The following BCKDHB variants were observed in gnomAD, a reference collection of about 807,000 sequenced individuals.
BCKDHB encodes the protein 2-oxoisovalerate dehydrogenase subunit beta, mitochondrial.
In BCKDHB, 41 loss-of-function variants were observed where a neutral mutation model predicts 48.5. The observed-to-expected ratio is 0.85, with a 90% CI of 0.66 to 1.10. BCKDHB has a LOEUF of 1.10. BCKDHB is among the 50% of genes least tolerant of loss of function. BCKDHB has a pLI of 0.00. For synonymous variants in BCKDHB, 201 were observed against 174.8 expected (o/e 1.15, Z -1.18); for missense variants, 496 against 494.2 (o/e 1.00, Z -0.03).
intron 5 of BCKDHB, chr6:80,170,031 T>G: frequency 1.9e-5 from 14 of 746,816 alleles, no homozygotes; most frequent in Non-Finnish European, 2.1e-5. Flanking sequence ...ATTTTCTTTC[T>G]TCCTCTTCCT....
the BCKDHB span, among the ~76,000 whole-genome samples, chr6:80,357,391 C>T: frequency 2.0e-5 from 3 of 152,088 alleles, no homozygotes; most frequent in East Asian, 1.9e-4. Context: ...GTCTCTCCTC[C>T]GGCCTTCTGA....
the BCKDHB span, among the ~76,000 whole-genome samples, chr6:80,446,053 G>T: frequency 6.6e-6 from 1 of 152,176 alleles, no homozygotes; most frequent in Admixed American, 6.5e-5. Flanking sequence ...AATGAGATTT[G>T]TTTGGAAAAA....
At chr6:80,213,370 CA>C (rs1199967052) in intron 8 of BCKDHB, among the ~76,000 whole-genome samples, 2 of 152,094 alleles carry the variant, frequency 1.3e-5, no homozygotes, top group Non-Finnish European at 2.9e-5. Flanking sequence ...CTTTGAAAGG[CA>C]AAGTGAAATT....
chr6:80,439,940 A>G, the BCKDHB span, among the ~76,000 whole-genome samples: 2 of 152,226 alleles, frequency 1.3e-5, no homozygotes, highest in African/African-American at 4.8e-5. Context: ...CCAACAGAAT[A>G]GTATAATGCC....
the BCKDHB span, among the ~76,000 whole-genome samples, chr6:80,423,613 C>T: frequency 6.6e-6 from 1 of 152,204 alleles, no homozygotes; most frequent in African/African-American, 2.4e-5. Context: ...TTAATCTCCA[C>T]ATCTCTTGAA....
downstream of BCKDHB, among the ~76,000 whole-genome samples, chr6:80,350,989 C>G (rs1337785801): frequency 6.6e-6 from 1 of 152,126 alleles, no homozygotes; most frequent in Non-Finnish European, 1.5e-5. Context: ...AGAAAGGAAG[C>G]AAAGGCTTAT....
intron 9 of BCKDHB, among the ~76,000 whole-genome samples, chr6:80,330,326 C>G (rs985543931): frequency 1.3e-5 from 2 of 152,114 alleles, no homozygotes; most frequent in Non-Finnish European, 1.5e-5. Context: ...TACTTCCTGT[C>G]TTGCTGACAT....
the BCKDHB span, among the ~76,000 whole-genome samples, chr6:80,420,006 T>C: frequency 2.6e-5 from 4 of 152,204 alleles, no homozygotes; most frequent in Non-Finnish European, 5.9e-5. Flanking sequence ...TTTTTATAGC[T>C]TCTATAAGCT....
chr6:80,409,004 G>A, the BCKDHB span, among the ~76,000 whole-genome samples: 20 of 151,976 alleles, frequency 1.3e-4, no homozygotes, highest in African/African-American at 4.4e-4. Flanking sequence ...TCTTTTGCGG[G>A]CATTTAGTGC....
intron 3 of BCKDHB, among the ~76,000 whole-genome samples, chr6:80,163,365 T>G (rs913602483): frequency 2.0e-5 from 3 of 151,332 alleles, no homozygotes; most frequent in Non-Finnish European, 4.4e-5. Flanking sequence ...CATGTTAAGG[T>G]CACCAATGAT....
chr6:80,131,664 A>C (rs1175140936), intron 3 of BCKDHB, among the ~76,000 whole-genome samples: 8 of 149,662 alleles, frequency 5.3e-5, no homozygotes, highest in Non-Finnish European at 5.9e-5. Context: ...TTTTTTTGAG[A>C]TGGAGTCTCG....
chr6:80,267,759 T>G (rs1367486421), intron 8 of BCKDHB, among the ~76,000 whole-genome samples: 1 of 152,100 alleles, frequency 6.6e-6, no homozygotes, highest in African/African-American at 2.4e-5. Flanking sequence ...ATTATACAAA[T>G]CATTGAGGAA....
At position 80,190,850 on chromosome 6, in the gene BCKDHB, A is replaced by G. The variant is rs552644456; in HGVS notation, c.743-10084A>G. On this transcript the variant is annotated intron_variant, in intron 6 of 9. Coordinates refer to ENST00000320393, the MANE Select transcript of BCKDHB (RefSeq NM_183050.4). The stretch of plus-strand genomic sequence containing the variant: ...TCATTAGAGGGTGGGAGGAAGGTAG[A>G]AAGGACGCCACTGAGGTTTTTGAGG... Among the ~76,000 whole-genome samples, 4 of 152,300 alleles carry G rather than the reference A, an allele frequency of 2.6e-5. No individual in the cohort carries two copies. The East Asian group carries it at 7.7e-4, about 29-fold the overall frequency.
At chr6:80,410,275 C>T in the BCKDHB span, among the ~76,000 whole-genome samples, 3 of 152,244 alleles carry the variant, frequency 2.0e-5, no homozygotes, top group South Asian at 6.2e-4. Flanking sequence ...AATACTGGCC[C>T]CCACATTCTT....
chr6:80,166,119 C>T (rs1772556347), intron 3 of BCKDHB, among the ~76,000 whole-genome samples: 1 of 152,148 alleles, frequency 6.6e-6, no homozygotes, highest in Admixed American at 6.5e-5. Flanking sequence ...AGAGTCAAGA[C>T]TCCAGTTTAT....
intron 8 of BCKDHB, among the ~76,000 whole-genome samples, chr6:80,230,567 G>A (rs1264238606): frequency 6.6e-6 from 1 of 152,050 alleles, no homozygotes; most frequent in Non-Finnish European, 1.5e-5. Context: ...TGGGCTATAT[G>A]GTCTGTCTTA....
At chr6:80,408,412 T>G in the BCKDHB span, among the ~76,000 whole-genome samples, 1 of 152,190 alleles carries the variant, frequency 6.6e-6, no homozygotes, top group Non-Finnish European at 1.5e-5. Context: ...TTGATTGGAA[T>G]AGCTTCAGAA....
chr6:80,388,472 T>C, the BCKDHB span, among the ~76,000 whole-genome samples: 1 of 152,150 alleles, frequency 6.6e-6, no homozygotes, highest in Admixed American at 6.5e-5. Flanking sequence ...TGACTATGGG[T>C]CATCAAGTCT....
At chr6:80,257,163 C>T (rs1488632207) in intron 8 of BCKDHB, among the ~76,000 whole-genome samples, 5 of 151,972 alleles carry the variant, frequency 3.3e-5, no homozygotes, top group Admixed American at 3.3e-4. Flanking sequence ...CACTGATGCC[C>T]TGAAGCACAG....
Sources: gnomAD v4.1 joint callset for allele counts (sites outside exome capture counted in the v4.1 genomes callset) on GRCh38, gnomAD v4.1.1 for gene constraint, MANE v1.5 for transcripts, NCBI Gene and HGNC (gene_info 2026-07-23, HGNC 2026-07-21) for gene names.